AGMO: variants seen among roughly 807,000 people sequenced by gnomAD.
The protein encoded by AGMO is alkylglycerol monooxygenase.
AGMO carries 75 observed loss-of-function variants against 60.2 expected under a neutral mutation model. That is an observed-to-expected ratio of 1.25 (90% CI 1.03 to 1.51). AGMO has a LOEUF of 1.51. Ranked by LOEUF, AGMO falls within the 40% of genes most tolerant of loss-of-function variation. The probability of loss-of-function intolerance (pLI) is 0.00; values close to 1 mark genes in which losing one functional copy is unlikely to be tolerated. For synonymous variants in AGMO, 261 were observed against 177.1 expected, an observed-to-expected ratio of 1.47 and a Z score of -3.76; for missense variants, 763 against 525.5, an observed-to-expected ratio of 1.45 and a Z score of -4.42.
chr7:15,497,937 T>C (rs1783277152), intron 3 of AGMO, among the ~76,000 whole-genome samples: 2 of 152,002 alleles, frequency 1.3e-5, no homozygotes, highest in African/African-American at 4.8e-5. Flanking sequence ...TTTGGAACAA[T>C]ACTTTTATGG....
chr7:15,463,564 A>G (rs538522544), intron 3 of AGMO, among the ~76,000 whole-genome samples: 1 of 152,350 alleles, frequency 6.6e-6, no homozygotes, highest in African/African-American at 2.4e-5. Flanking sequence ...AGAATTAATA[A>G]GCATTTCTTG....
chr7:15,187,590 C>T, the AGMO span, among the ~76,000 whole-genome samples: 100 of 152,222 alleles, frequency 6.6e-4, no homozygotes, highest in African/African-American at 2.0e-3. Flanking sequence ...TTTCCCTCTC[C>T]GGTACCACCC....
At chr7:15,299,830 TACACACACACAC>T (rs756832586) in intron 12 of AGMO, among the ~76,000 whole-genome samples, 67 of 48,192 alleles carry the variant, frequency 1.4e-3, no homozygotes, top group East Asian at 0.012. Flanking sequence ...TCTGTCTACA[TACACACACACAC>T]ACACACACAC....
chr7:15,391,806 C>T (rs555657965), intron 6 of AGMO, among the ~76,000 whole-genome samples: 1 of 152,226 alleles, frequency 6.6e-6, no homozygotes, highest in Non-Finnish European at 1.5e-5. Context: ...TTGGCAATTT[C>T]TGGAGACATG....
At chr7:15,299,638 C>T (rs867434170) in intron 12 of AGMO, among the ~76,000 whole-genome samples, 68 of 152,140 alleles carry the variant, frequency 4.5e-4, no homozygotes, top group African/African-American at 1.4e-3. Context: ...GCAGCCTAGG[C>T]AACACGGTGA....
At chr7:15,544,949 G>A (rs754797421) in intron 2 of AGMO, 26 bp from the exon 3 acceptor site, 27 of 1,457,430 alleles carry the variant, frequency 1.9e-5, no homozygotes, top group Non-Finnish European at 2.5e-5. Flanking sequence ...CACAATCAGT[G>A]ATTATATAAC....
At chr7:15,298,206 G>A (rs1784458448) in intron 12 of AGMO, among the ~76,000 whole-genome samples, 1 of 152,068 alleles carries the variant, frequency 6.6e-6, no homozygotes, top group Non-Finnish European at 1.5e-5. Context: ...CCTTATAATT[G>A]TATTAATGTG....
intron 3 of AGMO, among the ~76,000 whole-genome samples, chr7:15,450,578 G>A (rs1286759510): frequency 6.6e-6 from 1 of 152,076 alleles, no homozygotes; most frequent in Non-Finnish European, 1.5e-5. Context: ...GACTATCTTT[G>A]TAGTTCAGAG....
chr7:15,556,545 A>G (rs1188120459), intron 2 of AGMO, among the ~76,000 whole-genome samples: 1 of 152,056 alleles, frequency 6.6e-6, no homozygotes, highest in Non-Finnish European at 1.5e-5. Context: ...GGAGGATGCA[A>G]TTTATGGAAG....
At chr7:15,364,334 C>T (rs920785594) in intron 12 of AGMO, among the ~76,000 whole-genome samples, 6 of 151,640 alleles carry the variant, frequency 4.0e-5, no homozygotes, top group South Asian at 4.2e-4. Context: ...ATTTATATAC[C>T]GATATCTCCC....
intron 12 of AGMO, among the ~76,000 whole-genome samples, chr7:15,290,964 A>G (rs1254615488): frequency 2.0e-5 from 3 of 152,162 alleles, no homozygotes; most frequent in Non-Finnish European, 4.4e-5. Flanking sequence ...TGGATAATAG[A>G]GTCTAGTCAG....
chr7:15,161,495 C>T, the AGMO span, among the ~76,000 whole-genome samples: 96,474 of 150,996 alleles, frequency 0.64, 31,020 homozygotes, highest in East Asian at 0.73. Flanking sequence ...TGTATAAATA[C>T]ACACATATGT....
At chr7:15,361,721 C>T (rs745694718) in intron 12 of AGMO, among the ~76,000 whole-genome samples, 15 of 151,808 alleles carry the variant, frequency 9.9e-5, no homozygotes, top group African/African-American at 3.1e-4. Flanking sequence ...CTATTTTCTC[C>T]GCATCGAACA....
chr7:15,481,532 C>T (rs1224337299), intron 3 of AGMO, among the ~76,000 whole-genome samples: 1 of 151,934 alleles, frequency 6.6e-6, no homozygotes, highest in Non-Finnish European at 1.5e-5. Flanking sequence ...ACACCTAACT[C>T]CACAAAATAG....
At chr7:15,519,074 G>A (rs929467259) in intron 3 of AGMO, among the ~76,000 whole-genome samples, 12 of 151,444 alleles carry the variant, frequency 7.9e-5, no homozygotes, top group African/African-American at 2.4e-4. Flanking sequence ...ATCAGAGAAT[G>A]AAGATCAACT....
intron 5 of AGMO, among the ~76,000 whole-genome samples, chr7:15,407,957 T>G (rs1784750103): frequency 6.6e-6 from 1 of 151,860 alleles, no homozygotes; most frequent in Non-Finnish European, 1.5e-5. Context: ...AACTCTTAAC[T>G]ACCAATATGG....
chr7:15,352,662 G>A (rs929191436), intron 12 of AGMO, among the ~76,000 whole-genome samples: 8 of 151,788 alleles, frequency 5.3e-5, no homozygotes, highest in Admixed American at 1.3e-4. Context: ...CAGCTTACAG[G>A]CAACAGCAAG....
At position 15,322,632 on chromosome 7, in the gene AGMO, A is replaced by G. The variant is rs1320259634; in HGVS notation, c.1263+42882T>C. ...TATATAAATATATAAATATATATAAATATATATAAATATATAAATATATAT... is the reference window on the plus strand; with the variant it reads ...TATATAAATATATAAATATATATAAGTATATATAAATATATAAATATATAT... On this transcript the variant is annotated intron_variant, in intron 12 of 12. Coordinates refer to ENST00000342526, the MANE Select transcript of AGMO (RefSeq NM_001004320.2). Among the ~76,000 whole-genome samples the G allele has an allele frequency of 4.4e-3, 269 of 60,552 alleles. 43 individuals carry two copies. The highest frequency in any genetic ancestry group is 0.012 in the African/African-American group (146 of 12,014). The allele number at this position is 60,552 out of a possible 152,430, so 39.7% of individuals were successfully genotyped here.
chr7:15,318,532 A>G (rs1004942152), intron 12 of AGMO, among the ~76,000 whole-genome samples: 2 of 152,134 alleles, frequency 1.3e-5, no homozygotes, highest in Non-Finnish European at 2.9e-5. Flanking sequence ...ACTCAGACAA[A>G]GTTCACAAGC....
Sources: allele counts gnomAD v4.1 joint callset (sites outside exome capture counted in the v4.1 genomes callset), GRCh38; gene constraint gnomAD v4.1.1; transcripts MANE v1.5; gene names NCBI Gene and HGNC (gene_info 2026-07-23, HGNC 2026-07-21).